Variants in AGBL4 observed in about 807,000 individuals in gnomAD.
AGBL4 encodes the protein cytosolic carboxypeptidase 6.
A neutral mutation model predicts 66.4 loss-of-function variants in AGBL4; 58 were observed. That is an observed-to-expected ratio of 0.87 (90% CI 0.71 to 1.09). The LOEUF is 1.09. AGBL4 is among the 50% of genes least tolerant of loss of function. The pLI is 0.00. For synonymous variants in AGBL4, 234 were observed against 222.9 expected (o/e 1.05, Z -0.44); for missense variants, 579 against 631.0 (o/e 0.92, Z 0.88).
intron 4 of AGBL4, among the ~76,000 whole-genome samples, chr1:49,152,651 C>T (rs573065833): frequency 1.3e-5 from 2 of 152,136 alleles, no homozygotes; most frequent in African/African-American, 2.4e-5. Context: ...GCACAAATCA[C>T]CAAATTAATG....
intron 1 of AGBL4, among the ~76,000 whole-genome samples, chr1:49,907,214 A>G (rs1650363915): frequency 6.6e-6 from 1 of 152,190 alleles, no homozygotes; most frequent in African/African-American, 2.4e-5. Context: ...ATAAGACACC[A>G]TAATAGATGC....
intron 3 of AGBL4, among the ~76,000 whole-genome samples, chr1:49,665,944 C>A (rs1431370342): frequency 2.7e-5 from 4 of 149,562 alleles, no homozygotes; most frequent in African/African-American, 9.8e-5. Context: ...TTTTTTTTAA[C>A]AAAGAAGTAC....
At chr1:49,086,516 C>A (rs1644910057) in intron 4 of AGBL4, among the ~76,000 whole-genome samples, 1 of 152,104 alleles carries the variant, frequency 6.6e-6, no homozygotes, top group African/African-American at 2.4e-5. Context: ...TAGGAAACAA[C>A]TGGACAACAG....
chr1:49,245,691 C>T, intron 4 of AGBL4, 79 bp downstream of exon 4: 16 of 903,304 alleles, frequency 1.8e-5, no homozygotes, highest in South Asian at 3.9e-5. Flanking sequence ...TTTGGGGGTC[C>T]ATTAGTAGGT....
At chr1:49,889,600 CA>C (rs750241953) in intron 1 of AGBL4, among the ~76,000 whole-genome samples, 17 of 151,200 alleles carry the variant, frequency 1.1e-4, no homozygotes, top group South Asian at 4.2e-4. Flanking sequence ...ACTAAAAATA[CA>C]AAAAAAATAG....
At chr1:49,711,681 C>A (rs994301585) in intron 2 of AGBL4, among the ~76,000 whole-genome samples, 3 of 151,964 alleles carry the variant, frequency 2.0e-5, no homozygotes, top group Admixed American at 6.6e-5. Context: ...CAAAATACAT[C>A]AAATTTTACA....
intron 4 of AGBL4, among the ~76,000 whole-genome samples, chr1:49,101,528 A>G (rs1351003252): frequency 2.0e-5 from 3 of 152,182 alleles, no homozygotes; most frequent in Non-Finnish European, 4.4e-5. Context: ...ATGTGAACCT[A>G]ATACATGGTT....
intron 1 of AGBL4, among the ~76,000 whole-genome samples, chr1:49,959,876 T>G (rs559389516): frequency 6.6e-6 from 1 of 152,194 alleles, no homozygotes; most frequent in East Asian, 1.9e-4. Context: ...TCATGTCCTT[T>G]GCAGCAACAT....
At position 49,980,870 on chromosome 1, in the gene AGBL4, T is replaced by C. The variant is rs201449624; in HGVS notation, c.34+42893A>G. Among the ~76,000 whole-genome samples, 12 of 152,326 alleles carry C rather than the reference T, an allele frequency of 7.9e-5. No homozygotes were observed. In the East Asian group the frequency reaches 2.3e-3, roughly 29 times the overall value. On this transcript the variant is annotated intron_variant, in intron 1 of 13. Transcript: ENST00000371839. ...CTGTAAAACACTCTGGCTAATTGTA[T>C]GGCATATTAACTGCTCAAAGATAAA...
At chr1:48,847,410 A>AAG (rs1334324508) in intron 6 of AGBL4, among the ~76,000 whole-genome samples, 1 of 151,946 alleles carries the variant, frequency 6.6e-6, no homozygotes, top group African/African-American at 2.4e-5. Context: ...AAAAAAAAAA[A>AAG]AAAAGCCTGT....
chr1:48,614,845 A>G (rs1467903694), intron 9 of AGBL4, among the ~76,000 whole-genome samples: 1 of 152,268 alleles, frequency 6.6e-6, no homozygotes, highest in Non-Finnish European at 1.5e-5. Context: ...TCAGAGTTCA[A>G]TAGATCTAGG....
intron 7 of AGBL4, among the ~76,000 whole-genome samples, chr1:48,658,842 CATGTGT>C (rs1646061263): frequency 2.1e-5 from 2 of 93,284 alleles, no homozygotes; most frequent in South Asian, 7.6e-4. Flanking sequence ...ATGGTGTGTG[CATGTGT>C]GTGTGTGTGT....
chr1:49,062,343 C>T (rs1644417906), intron 4 of AGBL4, among the ~76,000 whole-genome samples: 1 of 152,188 alleles, frequency 6.6e-6, no homozygotes, highest in African/African-American at 2.4e-5. Flanking sequence ...TGTCTCAGCC[C>T]ATGATCACTT....
chr1:49,989,372 GGTCTAGATA>G (rs1444980082), intron 1 of AGBL4, among the ~76,000 whole-genome samples: 1 of 152,186 alleles, frequency 6.6e-6, no homozygotes, highest in East Asian at 1.9e-4. Context: ...AATGAGGTAG[GGTCTAGATA>G]GGAACAAGGA....
At chr1:49,614,970 G>GATTTACACCATTTACACC (rs1394155376) in intron 3 of AGBL4, among the ~76,000 whole-genome samples, 1 of 152,196 alleles carries the variant, frequency 6.6e-6, no homozygotes, top group South Asian at 2.1e-4. Flanking sequence ...ATAAATGAGT[G>GATTTACACCATTTACACC]ATTTACACCA....
At chr1:48,899,126 G>A (rs1333714054) in intron 5 of AGBL4, among the ~76,000 whole-genome samples, 1 of 152,210 alleles carries the variant, frequency 6.6e-6, no homozygotes, top group Non-Finnish European at 1.5e-5. Context: ...TGAAGCCCCC[G>A]ACAGGCCCCA....
intron 5 of AGBL4, among the ~76,000 whole-genome samples, chr1:48,889,989 CGTGTGTGTGTGTGT>C (rs10557498): frequency 1.3e-5 from 2 of 148,648 alleles, no homozygotes; most frequent in Admixed American, 6.7e-5. Context: ...AGCCTGCTTG[CGTGTGTGTGTGTGT>C]GTGTGTGTGT....
chr1:49,907,745 CAT>C lies in AGBL4; in HGVS notation c.35-56229_35-56228del, dbSNP rs530238214. On this transcript the variant is annotated intron_variant, in intron 1 of 13. Coordinates refer to ENST00000371839, the MANE Select transcript of AGBL4 (RefSeq NM_032785.4). ...CTGTATATAATTATAATGATGAACA[CAT>C]GTCATGAAACATTTGCCCAAACTCA... Among the ~76,000 whole-genome samples the C allele has an allele frequency of 4.6e-4, 70 of 152,222 alleles. 1 individual carries two copies. Among genetic ancestry groups the C allele is most frequent in the African/African-American group, 1.5e-3 (63 of 41,536 alleles).
intron 6 of AGBL4, among the ~76,000 whole-genome samples, chr1:48,766,133 C>A (rs536377979): frequency 3.3e-5 from 5 of 152,136 alleles, no homozygotes; most frequent in Non-Finnish European, 7.3e-5. Context: ...GGAATGTCTA[C>A]TACATGTCAG....
Sources: gnomAD v4.1 joint callset for allele counts (sites outside exome capture counted in the v4.1 genomes callset) on GRCh38, gnomAD v4.1.1 for gene constraint, MANE v1.5 for transcripts, NCBI Gene and HGNC (gene_info 2026-07-23, HGNC 2026-07-21) for gene names.